Variants in NRXN3 observed in about 807,000 individuals in gnomAD.
NRXN3 encodes the protein neurexin III.
NRXN3 carries 32 observed loss-of-function variants against 137.6 expected under a neutral mutation model. That is an observed-to-expected ratio of 0.23 (90% CI 0.18 to 0.31). The LOEUF (loss-of-function observed/expected upper bound fraction) is 0.31, where lower values mean the gene tolerates loss of function less well. Ranked by LOEUF, NRXN3 falls within the 10% of genes least tolerant of loss-of-function variation. The pLI is 1.00. For synonymous variants in NRXN3, 798 were observed against 784.5 expected (o/e 1.02, Z -0.29); for missense variants, 1,574 against 2,062.5 (o/e 0.76, Z 4.59).
At position 79,862,170 on chromosome 14, in the gene NRXN3, C is replaced by T. The variant is rs915388576; in HGVS notation, c.*206C>T. 15 of 545,028 alleles carry T rather than the reference C, an allele frequency of 2.8e-5. No individual in the cohort carries two copies. Among genetic ancestry groups the T allele is most frequent in the South Asian group, 2.7e-4 (12 of 44,602 alleles). The allele number at this position is 545,028 out of a possible 1,614,324, so 33.8% of individuals were successfully genotyped here. The stretch of plus-strand genomic sequence containing the variant: ...TCTCTCTAAAGCTCAGCCACGGCTG[C>T]GGCAAGGTCCCAGCGGTCGCTGGGA... On this transcript the variant is annotated 3_prime_UTR_variant, in exon 21 of 21. Coordinates refer to ENST00000335750, the MANE Select transcript of NRXN3 (RefSeq NM_001330195.2).
intron 8 of NRXN3, among the ~76,000 whole-genome samples, chr14:78,732,272 C>G (rs2098519567): frequency 6.6e-6 from 1 of 152,172 alleles, no homozygotes; most frequent in African/African-American, 2.4e-5. Context: ...TGGTTTAACA[C>G]TATACCCACT....
intron 4 of NRXN3, among the ~76,000 whole-genome samples, chr14:78,460,243 G>GAA (rs1227925529): frequency 1.3e-5 from 2 of 152,246 alleles, no homozygotes; most frequent in Non-Finnish European, 2.9e-5. Context: ...GAAGATCTCT[G>GAA]AACCCTGTCT....
chr14:79,489,004 A>G (rs1217853512), intron 16 of NRXN3, among the ~76,000 whole-genome samples: 3 of 152,178 alleles, frequency 2.0e-5, no homozygotes, highest in South Asian at 2.1e-4. Context: ...GTTATAATCT[A>G]TATCTTGCAG....
chr14:79,467,635 G>T (rs537531229), intron 16 of NRXN3, among the ~76,000 whole-genome samples: 1 of 152,132 alleles, frequency 6.6e-6, no homozygotes, highest in African/African-American at 2.4e-5. Context: ...TTCTTTGCAG[G>T]CTCCCTTCCC....
intron 4 of NRXN3, among the ~76,000 whole-genome samples, chr14:78,458,596 G>A (rs1462007298): frequency 6.6e-6 from 1 of 152,092 alleles, no homozygotes; most frequent in African/African-American, 2.4e-5. Flanking sequence ...TCTCTAAGTT[G>A]GGGAAAAGGA....
intron 2 of NRXN3, among the ~76,000 whole-genome samples, chr14:78,252,884 A>T (rs1379724887): frequency 6.6e-6 from 1 of 152,246 alleles, no homozygotes; most frequent in Non-Finnish European, 1.5e-5. Flanking sequence ...CAAAGCTGAG[A>T]TCACTTCTTT....
At chr14:79,501,981 G>A (rs2096830703) in intron 16 of NRXN3, among the ~76,000 whole-genome samples, 1 of 152,222 alleles carries the variant, frequency 6.6e-6, no homozygotes, top group Non-Finnish European at 1.5e-5. Context: ...CACAAGGCTA[G>A]ATGTTGATCC....
intron 4 of NRXN3, among the ~76,000 whole-genome samples, chr14:78,312,029 C>A (rs528794987): frequency 2.0e-5 from 3 of 152,094 alleles, no homozygotes; most frequent in Non-Finnish European, 4.4e-5. Context: ...GACTTTCTGA[C>A]TTCAGATGTT....
At chr14:79,182,509 C>T (rs543283487) in intron 15 of NRXN3, among the ~76,000 whole-genome samples, 45 of 152,166 alleles carry the variant, frequency 3.0e-4, no homozygotes, top group African/African-American at 1.1e-3. Context: ...ATAGGGTTCA[C>T]GCTTCTGTGA....
chr14:78,885,428 AG>A (rs2099140858), intron 10 of NRXN3, among the ~76,000 whole-genome samples: 1 of 151,976 alleles, frequency 6.6e-6, no homozygotes, highest in African/African-American at 2.4e-5. Flanking sequence ...ACTAAATTAA[AG>A]GTGTTTTGAA....
intron 8 of NRXN3, among the ~76,000 whole-genome samples, chr14:78,783,477 A>C (rs1322294894): frequency 6.6e-6 from 1 of 152,148 alleles, no homozygotes; most frequent in Non-Finnish European, 1.5e-5. Flanking sequence ...GAAGAGAAAA[A>C]CATATTAATG....
chr14:78,361,703 C>A (rs960423659), intron 4 of NRXN3, among the ~76,000 whole-genome samples: 4 of 152,096 alleles, frequency 2.6e-5, no homozygotes, highest in Admixed American at 1.3e-4. Flanking sequence ...ATAATTTGAA[C>A]CTTTTCAATA....
intron 15 of NRXN3, among the ~76,000 whole-genome samples, chr14:79,114,816 T>C (rs976850039): frequency 6.6e-6 from 1 of 152,038 alleles, no homozygotes; most frequent in African/African-American, 2.4e-5. Context: ...GTGTGAGCCA[T>C]GGCACCCAGC....
At chr14:79,394,961 G>A (rs1047841769) in intron 15 of NRXN3, among the ~76,000 whole-genome samples, 1 of 152,138 alleles carries the variant, frequency 6.6e-6, no homozygotes, top group African/African-American at 2.4e-5. Flanking sequence ...ATGCCTCAGT[G>A]TCTAGCCATT....
At chr14:78,317,004 A>G (rs1218434846) in intron 4 of NRXN3, among the ~76,000 whole-genome samples, 2 of 152,162 alleles carry the variant, frequency 1.3e-5, no homozygotes, top group Non-Finnish European at 2.9e-5. Context: ...GATGATTGTT[A>G]TGAGGAACTG....
In NRXN3 at chr14:78,871,033, GAT is replaced by G. The variant is rs1159113514; in HGVS notation, c.2275+60692_2275+60693del. Reference sequence around the variant, plus strand: ...GTGCTGTAATAAACATGGGAGTGCAGATATCTCTTTGATATACTGATTTCCTT... The same window carrying G: ...GTGCTGTAATAAACATGGGAGTGCAGATCTCTTTGATATACTGATTTCCTT... On this transcript the variant is annotated intron_variant, in intron 10 of 20. Transcript: ENST00000335750. 2.0e-5 allele frequency among the ~76,000 whole-genome samples: 3 copies of G among 149,534 alleles called. 1 individual carries two copies. The highest frequency in any genetic ancestry group is 1.5e-5 in the Non-Finnish European group (1 of 67,510).
chr14:79,854,230 T>TA (rs1229724441), intron 20 of NRXN3: 1 of 822,980 alleles, frequency 1.2e-6, no homozygotes, highest in Non-Finnish European at 1.5e-6. Context: ...AAGTTGACTA[T>TA]AAATTAATAT....
chr14:78,218,214 A>C (rs1326539683), intron 1 of NRXN3, among the ~76,000 whole-genome samples: 1 of 152,024 alleles, frequency 6.6e-6, no homozygotes, highest in Non-Finnish European at 1.5e-5. Flanking sequence ...AAAGTTACCT[A>C]GGCGTGGTGG....
intron 15 of NRXN3, among the ~76,000 whole-genome samples, chr14:79,200,366 G>GTATA (rs1192089372): frequency 1.3e-5 from 2 of 152,168 alleles, no homozygotes; most frequent in African/African-American, 4.8e-5. Context: ...CATGATGAGA[G>GTATA]TATACCGGGG....
Sources: allele counts gnomAD v4.1 joint callset (sites outside exome capture counted in the v4.1 genomes callset), GRCh38; gene constraint gnomAD v4.1.1; transcripts MANE v1.5; gene names NCBI Gene and HGNC (gene_info 2026-07-23, HGNC 2026-07-21).